Variants in SLC35F4 observed in about 807,000 individuals in gnomAD.
The protein encoded by SLC35F4 is chromosome 14 open reading frame 36.
A neutral mutation model predicts 44.2 loss-of-function variants in SLC35F4; 24 were observed. The ratio of observed to expected loss-of-function variants is 0.54; its 90% CI spans 0.39 to 0.76. The LOEUF (loss-of-function observed/expected upper bound fraction) is 0.76, where lower values mean the gene tolerates loss of function less well. Ranked by LOEUF, SLC35F4 falls within the 30% of genes least tolerant of loss-of-function variation. SLC35F4 has a pLI of 0.00. For missense variants in SLC35F4, 562 were observed against 586.1 expected, an observed-to-expected ratio of 0.96 and a Z score of 0.42; for synonymous variants, 238 against 223.6, an observed-to-expected ratio of 1.06 and a Z score of -0.57.
intron 1 of SLC35F4, among the ~76,000 whole-genome samples, chr14:57,816,242 T>C (rs1305069532): frequency 6.6e-6 from 1 of 152,192 alleles, no homozygotes; most frequent in African/African-American, 2.4e-5. Context: ...GTAATGTCTT[T>C]GTTTTTCTTC....
At chr14:57,767,222 A>C (rs746875801) in intron 1 of SLC35F4, among the ~76,000 whole-genome samples, 11 of 152,228 alleles carry the variant, frequency 7.2e-5, no homozygotes, top group Non-Finnish European at 1.2e-4. Flanking sequence ...TGAACAATAC[A>C]ATCAACAAAT....
At chr14:57,667,462 C>T (rs1158375053) in intron 1 of SLC35F4, among the ~76,000 whole-genome samples, 1 of 150,862 alleles carries the variant, frequency 6.6e-6, no homozygotes, top group African/African-American at 2.5e-5. Flanking sequence ...TTAGGTATAT[C>T]TCCTAATGCT....
intron 1 of SLC35F4, among the ~76,000 whole-genome samples, chr14:57,785,741 A>C (rs1230104764): frequency 6.6e-6 from 1 of 152,186 alleles, no homozygotes; most frequent in Non-Finnish European, 1.5e-5. Context: ...ATACTGGGGA[A>C]GAGGAAGCAG....
chr14:57,809,736 C>T (rs753689069), intron 1 of SLC35F4, among the ~76,000 whole-genome samples: 5 of 152,294 alleles, frequency 3.3e-5, no homozygotes, highest in African/African-American at 9.6e-5. Context: ...ACACTGTTAT[C>T]GGAGACACTG....
At chr14:57,892,622 A>G (rs1472997115) in intron 1 of SLC35F4, among the ~76,000 whole-genome samples, 1 of 152,162 alleles carries the variant, frequency 6.6e-6, no homozygotes, top group Non-Finnish European at 1.5e-5. Context: ...ATACCAATCA[A>G]TCTCTCAAGT....
intron 3 of SLC35F4, among the ~76,000 whole-genome samples, chr14:57,583,129 G>A (rs533049688): frequency 6.6e-6 from 1 of 152,292 alleles, no homozygotes; most frequent in South Asian, 2.1e-4. Context: ...CTTCTGTAAT[G>A]TAAACAGAAA....
chr14:57,976,575 T>A (rs1055652861), downstream of SLC35F4, among the ~76,000 whole-genome samples: 8 of 152,234 alleles, frequency 5.3e-5, no homozygotes, highest in Non-Finnish European at 1.0e-4. Flanking sequence ...CACATAGGGC[T>A]GGCAGTTGCC....
intron 1 of SLC35F4, among the ~76,000 whole-genome samples, chr14:57,766,731 A>T (rs1050508605): frequency 6.6e-6 from 1 of 152,244 alleles, no homozygotes. Flanking sequence ...CAGAAGCTCT[A>T]GTCTAACAAG....
intron 1 of SLC35F4, among the ~76,000 whole-genome samples, chr14:57,817,690 A>G (rs940299486): frequency 6.6e-6 from 1 of 152,084 alleles, no homozygotes; most frequent in Non-Finnish European, 1.5e-5. Flanking sequence ...TTGATGTGCT[A>G]TGATTTGAGA....
chr14:57,761,397 G>A (rs1293178057), intron 1 of SLC35F4, among the ~76,000 whole-genome samples: 9 of 151,898 alleles, frequency 5.9e-5, no homozygotes, highest in African/African-American at 1.5e-4. Flanking sequence ...AAATGTAAAG[G>A]GATAAAGAAT....
intron 1 of SLC35F4, among the ~76,000 whole-genome samples, chr14:57,682,957 T>A (rs12436211): frequency 0.49 from 73,842 of 151,976 alleles, 18,924 homozygotes; most frequent in African/African-American, 0.67. Context: ...CCAAAAAATC[T>A]CAGTATGTAG....
At chr14:57,569,010 T>G (rs1284827031) in intron 6 of SLC35F4, among the ~76,000 whole-genome samples, 3 of 152,122 alleles carry the variant, frequency 2.0e-5, no homozygotes, top group African/African-American at 7.2e-5. Context: ...AGCTTAAAAG[T>G]CAGATCCTGG....
chr14:57,971,826 A>C (rs1197102506), downstream of SLC35F4, among the ~76,000 whole-genome samples: 2 of 152,226 alleles, frequency 1.3e-5, no homozygotes, highest in Non-Finnish European at 2.9e-5. Flanking sequence ...GAGCATGGTG[A>C]CTATAGTTAA....
chr14:57,916,641 A>G (rs181283303), intron 1 of SLC35F4, among the ~76,000 whole-genome samples: 7 of 152,202 alleles, frequency 4.6e-5, no homozygotes, highest in East Asian at 1.9e-4. Flanking sequence ...TAGTTGTCCC[A>G]TAGTCCTTAG....
At chr14:57,730,316 G>A (rs958330861) in intron 1 of SLC35F4, among the ~76,000 whole-genome samples, 1 of 151,930 alleles carries the variant, frequency 6.6e-6, no homozygotes, top group Non-Finnish European at 1.5e-5. Context: ...CTCATCTTTT[G>A]TCTTTCTGAT....
chr14:57,896,847 T>C lies in SLC35F4; in HGVS notation n.282+85066A>G, dbSNP rs181155617. Among the ~76,000 whole-genome samples, 457 of 151,558 alleles carry C rather than the reference T, an allele frequency of 3.0e-3. 1 individual carries two copies. The highest frequency in any genetic ancestry group is 5.1e-3 in the Non-Finnish European group (343 of 67,554). On this transcript the variant is annotated intron_variant and non_coding_transcript_variant, in intron 1 of 1. Coordinates refer to the SLC35F4 transcript ENST00000556568. Reference sequence around the variant, plus strand: ...GACAAGAGAATTAAATTACATAATGTATGTAAAACACTTCAATCCCAGCAT... The same window carrying C: ...GACAAGAGAATTAAATTACATAATGCATGTAAAACACTTCAATCCCAGCAT...
chr14:57,937,630 GAAA>G (rs112173138), intron 1 of SLC35F4, among the ~76,000 whole-genome samples: 1 of 123,846 alleles, frequency 8.1e-6, no homozygotes, highest in Admixed American at 7.8e-5. Context: ...GAAAAGAAAA[GAAA>G]AGAAAAGAAA....
intron 1 of SLC35F4, among the ~76,000 whole-genome samples, chr14:57,851,373 G>A (rs1886547079): frequency 6.6e-6 from 1 of 152,100 alleles, no homozygotes; most frequent in African/African-American, 2.4e-5. Context: ...AAAATGTTTG[G>A]TGTATATGTG....
At chr14:57,877,090 A>T (rs1319314822) in intron 1 of SLC35F4, among the ~76,000 whole-genome samples, 2 of 152,006 alleles carry the variant, frequency 1.3e-5, no homozygotes, top group Non-Finnish European at 2.9e-5. Context: ...TTCACGGTAC[A>T]GATAATTGTG....
Sources: gnomAD v4.1 joint callset for allele counts (sites outside exome capture counted in the v4.1 genomes callset) on GRCh38, gnomAD v4.1.1 for gene constraint, MANE v1.5 for transcripts, NCBI Gene and HGNC (gene_info 2026-07-23, HGNC 2026-07-21) for gene names.